FUT9: variants seen among roughly 807,000 people sequenced by gnomAD.
The protein encoded by FUT9 is 4-galactosyl-N-acetylglucosaminide 3-alpha-L-fucosyltransferase 9.
In FUT9, 15 loss-of-function variants were observed where a neutral mutation model predicts 29.7. That is an observed-to-expected ratio of 0.51 (90% CI 0.34 to 0.78). The LOEUF is 0.78. Ranked by LOEUF, FUT9 falls within the 30% of genes least tolerant of loss-of-function variation. The pLI is 0.01. For missense variants in FUT9, 319 were observed against 425.4 expected, an observed-to-expected ratio of 0.75 and a Z score of 2.20; for synonymous variants, 169 against 153.7, an observed-to-expected ratio of 1.10 and a Z score of -0.74.
chr6:96,035,497 A>G (rs1770336596), intron 1 of FUT9, among the ~76,000 whole-genome samples: 1 of 150,602 alleles, frequency 6.6e-6, no homozygotes, highest in Admixed American at 6.7e-5. Context: ...ATACATGCAT[A>G]CAACACATTT....
At chr6:96,120,357 G>A (rs1391080326) in intron 2 of FUT9, among the ~76,000 whole-genome samples, 5 of 138,360 alleles carry the variant, frequency 3.6e-5, no homozygotes, top group East Asian at 2.3e-4. Context: ...TGCAAACTCC[G>A]CCTCCTGGGT....
Position 96,086,351 on chromosome 6 carries a change from C to A in FUT9, c.-97-27688C>A, listed in dbSNP as rs549162682. Among the ~76,000 whole-genome samples the A allele has an allele frequency of 2.6e-5, 4 of 152,170 alleles. No individual in the cohort carries two copies. In the South Asian group the frequency reaches 6.2e-4, roughly 24 times the overall value. On this transcript the variant is annotated intron_variant, in intron 1 of 2. Transcript: ENST00000302103. The stretch of plus-strand genomic sequence containing the variant: ...GATTCAAAGCTTTGGTTTATTTTTC[C>A]TGCTTATCAATTTGTTGTCAGCTTT...
At chr6:96,060,405 ATTG>A (rs1770852418) in intron 1 of FUT9, among the ~76,000 whole-genome samples, 1 of 152,248 alleles carries the variant, frequency 6.6e-6, no homozygotes, top group Non-Finnish European at 1.5e-5. Flanking sequence ...ATTATTTTGA[ATTG>A]TTAAGTGCTT....
At position 96,204,830 on chromosome 6, in the gene FUT9, G is replaced by A. The variant is rs4440473; in HGVS notation, c.*595G>A. ...GATATGAAGCAGAACTGTTCTATTC[G>A]GGAAGCTATTAGACTTCTCATTTAT... On this transcript the variant is annotated 3_prime_UTR_variant, in exon 3 of 3. Transcript: ENST00000302103. 0.92 allele frequency: 153,089 copies of A among 166,380 alleles called. 71,822 individuals carry two copies. The highest frequency in any genetic ancestry group is 1 in the Non-Finnish European group (67,933 of 68,062). 10.3% of individuals were successfully genotyped at this position (166,380 alleles called of 1,614,324 possible).
chr6:96,023,790 A>G (rs1213475184), intron 1 of FUT9, among the ~76,000 whole-genome samples: 1 of 151,880 alleles, frequency 6.6e-6, no homozygotes, highest in East Asian at 1.9e-4. Context: ...AAAACACTGC[A>G]TCTCTTAGCA....
chr6:96,066,148 AAC>A (rs1770958087), intron 1 of FUT9, among the ~76,000 whole-genome samples: 2 of 152,102 alleles, frequency 1.3e-5, no homozygotes, highest in Non-Finnish European at 2.9e-5. Flanking sequence ...TTATCCCAAT[AAC>A]TACCTTATAG....
At chr6:96,079,549 T>C (rs1228117362) in intron 1 of FUT9, among the ~76,000 whole-genome samples, 1 of 152,206 alleles carries the variant, frequency 6.6e-6, no homozygotes, top group African/African-American at 2.4e-5. Context: ...AATAAATGCA[T>C]GAGATTAATA....
At chr6:96,121,453 C>G (rs932218398) in intron 2 of FUT9, among the ~76,000 whole-genome samples, 2 of 151,410 alleles carry the variant, frequency 1.3e-5, no homozygotes, top group African/African-American at 4.9e-5. Context: ...GTGAACTAGC[C>G]CCCCTAGGAA....
Position 96,215,400 on chromosome 6 carries a change from G to C in FUT9, c.*11165G>C, listed in dbSNP as rs1774018352. The stretch of plus-strand genomic sequence containing the variant: ...TAGTGATTTCAGCAATATGTACTAA[G>C]ATTCCAAGGCAGAAATAAATGTATA... On this transcript the variant is annotated 3_prime_UTR_variant, in exon 3 of 3. Transcript: ENST00000302103. The C allele has an allele frequency of 6.0e-6, 1 of 166,800 alleles. No individual in the cohort carries two copies. The highest frequency in any genetic ancestry group is 2.1e-4 in the South Asian group (1 of 4,832). The allele number at this position is 166,800 out of a possible 1,614,324, so 10.3% of individuals were successfully genotyped here. A position where few individuals can be genotyped will look rare whatever the true frequency, so the allele number is the denominator to read the frequency against.
At chr6:96,027,384 G>A (rs1562100270) in intron 1 of FUT9, among the ~76,000 whole-genome samples, 2 of 151,600 alleles carry the variant, frequency 1.3e-5, no homozygotes, top group Non-Finnish European at 1.5e-5. Flanking sequence ...ATGAATACAT[G>A]TCCCTTTCTC....
intron 2 of FUT9, among the ~76,000 whole-genome samples, chr6:96,147,163 CTT>C (rs869290093): frequency 1.4e-5 from 2 of 143,440 alleles, no homozygotes; most frequent in Admixed American, 7.0e-5. Context: ...TTTTATTTTT[CTT>C]TTTTTTTTTT....
At chr6:96,069,197 C>G (rs1478600702) in intron 1 of FUT9, among the ~76,000 whole-genome samples, 1 of 152,044 alleles carries the variant, frequency 6.6e-6, no homozygotes, top group African/African-American at 2.4e-5. Context: ...TGCCTGTAAT[C>G]CCAGCTACTC....
chr6:96,147,606 C>A (rs1274635552), intron 2 of FUT9, among the ~76,000 whole-genome samples: 1 of 151,902 alleles, frequency 6.6e-6, no homozygotes, highest in Non-Finnish European at 1.5e-5. Flanking sequence ...AGTTATTAAA[C>A]CCAAAGAGAG....
intron 2 of FUT9, among the ~76,000 whole-genome samples, chr6:96,199,916 C>T (rs1335285552): frequency 1.3e-5 from 2 of 152,136 alleles, no homozygotes; most frequent in African/African-American, 2.4e-5. Context: ...AACAAAGCCC[C>T]TCACAAAGCT....
At chr6:96,053,053 A>T (rs1039343655) in intron 1 of FUT9, among the ~76,000 whole-genome samples, 56 of 152,238 alleles carry the variant, frequency 3.7e-4, no homozygotes, top group African/African-American at 1.3e-3. Context: ...AAGTAATTTT[A>T]AAATTATTTT....
At chr6:96,158,884 C>T (rs541435588) in intron 2 of FUT9, among the ~76,000 whole-genome samples, 4 of 152,056 alleles carry the variant, frequency 2.6e-5, no homozygotes, top group South Asian at 4.1e-4. Flanking sequence ...TTTTCTGCTG[C>T]GTCCGTGTTG....
intron 2 of FUT9, among the ~76,000 whole-genome samples, chr6:96,120,127 AT>A (rs753242972): frequency 1.1e-4 from 17 of 152,034 alleles, no homozygotes; most frequent in Non-Finnish European, 2.1e-4. Context: ...CAGAATTCTC[AT>A]TATTTTATTT....
intron 1 of FUT9, among the ~76,000 whole-genome samples, chr6:96,089,996 G>T (rs1383450381): frequency 2.0e-5 from 3 of 152,026 alleles, no homozygotes; most frequent in Non-Finnish European, 1.5e-5. Context: ...ATTATAGGAA[G>T]ACTTGACAAA....
intron 1 of FUT9, among the ~76,000 whole-genome samples, chr6:96,068,460 G>A (rs1770999746): frequency 6.6e-6 from 1 of 152,140 alleles, no homozygotes; most frequent in Non-Finnish European, 1.5e-5. Flanking sequence ...TATAATAATA[G>A]TATGACTCAG....
Sources: allele counts gnomAD v4.1 joint callset (sites outside exome capture counted in the v4.1 genomes callset), GRCh38; gene constraint gnomAD v4.1.1; transcripts MANE v1.5; gene names NCBI Gene and HGNC (gene_info 2026-07-23, HGNC 2026-07-21).